Variants in SLC25A12 observed in about 807,000 individuals in gnomAD.
The protein encoded by SLC25A12 is solute carrier family 25 member 12.
Under a neutral mutation model 83.3 loss-of-function variants are expected in SLC25A12, and 32 were observed. The ratio of observed to expected loss-of-function variants is 0.38; its 90% CI spans 0.29 to 0.52. SLC25A12 has a LOEUF of 0.52. SLC25A12 is among the 20% of genes least tolerant of loss of function. SLC25A12 has a pLI of 0.84. For missense variants in SLC25A12, 611 were observed against 835.6 expected (o/e 0.73, Z 3.31); for synonymous variants, 267 against 291.1 (o/e 0.92, Z 0.84).
intron 4 of SLC25A12, among the ~76,000 whole-genome samples, chr2:171,847,421 A>T (rs752501179): frequency 3.3e-5 from 5 of 152,228 alleles, no homozygotes; most frequent in Non-Finnish European, 7.3e-5. Flanking sequence ...GTAATAACTC[A>T]AACAGCTGGT....
At chr2:171,868,266 A>C (rs1365125362) in intron 3 of SLC25A12, among the ~76,000 whole-genome samples, 1 of 151,504 alleles carries the variant, frequency 6.6e-6, no homozygotes, top group Non-Finnish European at 1.5e-5. Flanking sequence ...ATGTTTACTA[A>C]TATTAAAATT....
At chr2:171,883,345 C>T (rs961942413) in intron 2 of SLC25A12, among the ~76,000 whole-genome samples, 2 of 152,126 alleles carry the variant, frequency 1.3e-5, no homozygotes, top group African/African-American at 2.4e-5. Context: ...AAAACAGGCT[C>T]CAAAAGTAAA....
In SLC25A12 at chr2:171,793,666, C is replaced by A. The variant is rs1683535420; in HGVS notation, c.1407G>T (p.Leu469=). Residue 469 remains leucine, a synonymous_variant, in exon 14 of 18, where the codon CTG becomes CTT. Coordinates refer to ENST00000422440, the MANE Select transcript of SLC25A12 (RefSeq NM_003705.5). ...AAATTCCCAAGTCCCGGAGCACATT[C>A]AGGGCGCTGACTCTGGGTCCCGTGG... The part of the protein sequence containing the change: ...EITTGPRVSA[L]NVLRDLGIFG... 2 of 1,614,176 alleles carry A rather than the reference C, an allele frequency of 1.2e-6. No individual in the cohort carries two copies. Among genetic ancestry groups the A allele is most frequent in the Non-Finnish European group, 1.7e-6 (2 of 1,180,036 alleles).
intron 2 of SLC25A12, among the ~76,000 whole-genome samples, chr2:171,881,142 C>CTTTTTTTTTTTTTTTTT (rs201576623): frequency 6.6e-6 from 1 of 151,844 alleles, no homozygotes; most frequent in African/African-American, 2.4e-5. Flanking sequence ...CCCATATTTT[C>CTTTTTTTTTTTTTTTTT]TTTTTTTGTT....
Position 171,861,949 on chromosome 2 carries a change from T to C in SLC25A12, c.210-6000A>G, listed in dbSNP as rs184622392. ...TTTTAGAAAGAACATGTATTCATTT[T>C]ATAACTTTGAAAAATATATTTTCTG... On this transcript the variant is annotated intron_variant, in intron 3 of 17. Transcript: ENST00000422440. Among the ~76,000 whole-genome samples, 39 of 152,372 alleles carry C rather than the reference T, an allele frequency of 2.6e-4. 2 individuals are homozygous for C. The highest frequency in any genetic ancestry group is 3.2e-4 in the Non-Finnish European group (22 of 68,038).
intron 4 of SLC25A12, among the ~76,000 whole-genome samples, chr2:171,850,150 G>A (rs1684893420): frequency 6.6e-6 from 1 of 150,976 alleles, no homozygotes. Flanking sequence ...GAGTCTTACT[G>A]TGTCACCCAG....
At chr2:171,812,647 C>T (rs763450664) in intron 11 of SLC25A12, among the ~76,000 whole-genome samples, 4 of 152,074 alleles carry the variant, frequency 2.6e-5, no homozygotes, top group Non-Finnish European at 4.4e-5. Flanking sequence ...CTGCATGGGG[C>T]GCAGTGCTGC....
intron 4 of SLC25A12, among the ~76,000 whole-genome samples, chr2:171,851,471 G>A (rs1275635969): frequency 2.0e-5 from 3 of 147,384 alleles, no homozygotes; most frequent in East Asian, 2.0e-4. Flanking sequence ...TTACAGGCGT[G>A]AGCCACTGCG....
intron 3 of SLC25A12, among the ~76,000 whole-genome samples, chr2:171,864,570 C>T (rs1188698561): frequency 6.6e-6 from 1 of 152,198 alleles, no homozygotes; most frequent in African/African-American, 2.4e-5. Context: ...CAACACAACC[C>T]TCCTCCATTG....
chr2:171,851,347 C>T (rs1422980914), intron 4 of SLC25A12, among the ~76,000 whole-genome samples: 7 of 152,058 alleles, frequency 4.6e-5, no homozygotes, highest in East Asian at 1.9e-4. Context: ...GTGCCCACCA[C>T]GCCCGGCTAA....
At chr2:171,811,325 C>T (rs73976516) in intron 11 of SLC25A12, among the ~76,000 whole-genome samples, 40 of 152,258 alleles carry the variant, frequency 2.6e-4, no homozygotes, top group African/African-American at 9.2e-4. Context: ...ACCTTTCATG[C>T]GTAGCAGACT....
chr2:171,834,509 A>G (rs1401831329), intron 7 of SLC25A12, among the ~76,000 whole-genome samples: 2 of 152,176 alleles, frequency 1.3e-5, no homozygotes, highest in African/African-American at 4.8e-5. Flanking sequence ...GATTGGGTCA[A>G]GGTTCTTTTC....
At chr2:171,893,946 C>T (rs1185170146) in intron 1 of SLC25A12, among the ~76,000 whole-genome samples, 1 of 152,070 alleles carries the variant, frequency 6.6e-6, no homozygotes, top group Non-Finnish European at 1.5e-5. Context: ...TAGGACAGGA[C>T]ATTACTCTTC....
chr2:171,808,720 T>G (rs1683885922), intron 13 of SLC25A12, among the ~76,000 whole-genome samples: 1 of 152,212 alleles, frequency 6.6e-6, no homozygotes. Flanking sequence ...TATTATACTT[T>G]AAGTTTTAGG....
chr2:171,869,730 G>C (rs1004649432), intron 2 of SLC25A12, among the ~76,000 whole-genome samples: 1 of 152,168 alleles, frequency 6.6e-6, no homozygotes, highest in African/African-American at 2.4e-5. Context: ...AGTTGCATCA[G>C]ATTGATTGTT....
At chr2:171,854,198 T>C (rs1219389153) in intron 4 of SLC25A12, among the ~76,000 whole-genome samples, 3 of 152,214 alleles carry the variant, frequency 2.0e-5, no homozygotes, top group African/African-American at 4.8e-5. Context: ...AAAGTCAACA[T>C]TCTTCAGGAG....
At chr2:171,802,410 G>C (rs1381846231) in intron 13 of SLC25A12, among the ~76,000 whole-genome samples, 19 of 150,428 alleles carry the variant, frequency 1.3e-4, no homozygotes, top group Non-Finnish European at 1.5e-5. Flanking sequence ...TTCTGAATGA[G>C]TAAGTTTGTT....
At chr2:171,802,600 C>G (rs1362561529) in intron 13 of SLC25A12, among the ~76,000 whole-genome samples, 3 of 152,038 alleles carry the variant, frequency 2.0e-5, no homozygotes, top group Non-Finnish European at 4.4e-5. Context: ...CACGGTGAAA[C>G]CCCGTCTCTA....
intron 13 of SLC25A12, among the ~76,000 whole-genome samples, chr2:171,809,104 CT>C (rs1683899809): frequency 6.6e-6 from 1 of 152,154 alleles, no homozygotes; most frequent in Non-Finnish European, 1.5e-5. Context: ...CAGTCTGTCA[CT>C]GATGGGCATT....
Sources: gnomAD v4.1 joint callset for allele counts (sites outside exome capture counted in the v4.1 genomes callset) on GRCh38, gnomAD v4.1.1 for gene constraint, MANE v1.5 for transcripts, NCBI Gene and HGNC (gene_info 2026-07-23, HGNC 2026-07-21) for gene names.